Variants in PAG1 observed in about 807,000 individuals in gnomAD.
PAG1 encodes the protein phosphoprotein associated with glycosphingolipid-enriched microdomains 1.
PAG1 carries 23 observed loss-of-function variants against 31.7 expected under a neutral mutation model. The observed-to-expected ratio is 0.73, with a 90% CI of 0.52 to 1.03. The LOEUF (loss-of-function observed/expected upper bound fraction) is 1.03. PAG1 is among the 50% of genes least tolerant of loss of function. The probability of loss-of-function intolerance (pLI) is 0.00; values close to 1 mark genes in which losing one functional copy is unlikely to be tolerated. For synonymous variants in PAG1, 214 were observed against 210.3 expected (o/e 1.02, Z -0.15); for missense variants, 473 against 540.7 (o/e 0.87, Z 1.24).
chr8:81,096,212 C>T (rs1285055022), intron 1 of PAG1, among the ~76,000 whole-genome samples: 1 of 152,148 alleles, frequency 6.6e-6, no homozygotes, highest in Non-Finnish European at 1.5e-5. Flanking sequence ...CTGTAAGGCA[C>T]TCATGTTGTA....
intron 1 of PAG1, among the ~76,000 whole-genome samples, chr8:81,106,995 A>C (rs1809703404): frequency 6.6e-6 from 1 of 152,128 alleles, no homozygotes; most frequent in Non-Finnish European, 1.5e-5. Context: ...GATTTAAATA[A>C]ACTTATTTTT....
intron 2 of PAG1, among the ~76,000 whole-genome samples, chr8:81,041,347 A>C (rs1349127554): frequency 6.6e-6 from 1 of 152,222 alleles, no homozygotes; most frequent in Non-Finnish European, 1.5e-5. Context: ...ACCTACCAGA[A>C]TGAGCAGCCA....
At chr8:81,106,794 G>A (rs1586223941) in intron 1 of PAG1, among the ~76,000 whole-genome samples, 1 of 152,098 alleles carries the variant, frequency 6.6e-6, no homozygotes, top group South Asian at 2.1e-4. Context: ...ATTTTGACTG[G>A]AGTTAGAAAG....
chr8:80,970,094 CT>C lies in PAG1; in HGVS notation c.*6449del, dbSNP rs1233641158. 1 of 152,160 alleles carries C rather than the reference CT, an allele frequency of 6.6e-6. No individual in the cohort carries two copies. Among genetic ancestry groups the C allele is most frequent in the Non-Finnish European group, 1.5e-5 (1 of 68,108 alleles). 9.4% of individuals were successfully genotyped at this position (152,160 alleles called of 1,614,324 possible). On this transcript the variant is annotated 3_prime_UTR_variant, in exon 9 of 9. Transcript: ENST00000220597. ...GTGAAAACATTTTACACTCAATTTA[CT>C]TTAAAAAGGTTTTTTTTTTGTTTTT...
chr8:81,031,536 T>G (rs1430667088), intron 2 of PAG1, among the ~76,000 whole-genome samples: 2 of 152,248 alleles, frequency 1.3e-5, no homozygotes, highest in East Asian at 3.8e-4. Context: ...GGAATTCTCC[T>G]GAATTAGCCA....
intron 1 of PAG1, among the ~76,000 whole-genome samples, chr8:81,080,097 A>C (rs1292238147): frequency 1.3e-5 from 2 of 152,118 alleles, no homozygotes; most frequent in Non-Finnish European, 2.9e-5. Context: ...CACCTCATTG[A>C]ATCTCCGCAA....
At chr8:80,994,713 T>C (rs1807635407) in intron 3 of PAG1, among the ~76,000 whole-genome samples, 1 of 152,196 alleles carries the variant, frequency 6.6e-6, no homozygotes, top group African/African-American at 2.4e-5. Flanking sequence ...AATGGTCAGA[T>C]TCCTTGTGTG....
At chr8:81,067,366 G>A (rs1809025400) in intron 2 of PAG1, 1 of 152,090 alleles carries the variant, frequency 6.6e-6, no homozygotes, top group African/African-American at 2.4e-5. Flanking sequence ...TAAACACAAG[G>A]AAGGATAGCA....
At chr8:81,008,589 A>G (rs1807927815) in intron 3 of PAG1, among the ~76,000 whole-genome samples, 1 of 149,010 alleles carries the variant, frequency 6.7e-6, no homozygotes, top group East Asian at 1.9e-4. Context: ...AGTAGTATAT[A>G]TAATACTACT....
chr8:80,993,059 G>A (rs895270), intron 4 of PAG1, 44 bp downstream of exon 4: 320,184 of 1,529,800 alleles, frequency 0.21, 36,271 homozygotes, highest in East Asian at 0.49. Flanking sequence ...GGGTACAGGG[G>A]ATGTATTAGT....
chr8:81,059,443 T>C (rs1808882167), intron 2 of PAG1, among the ~76,000 whole-genome samples: 2 of 152,120 alleles, frequency 1.3e-5, no homozygotes, highest in South Asian at 2.1e-4. Context: ...CTACCAGAAA[T>C]TGAAAGACCA....
intron 1 of PAG1, among the ~76,000 whole-genome samples, chr8:81,072,815 G>GTGCA (rs1563420101): frequency 6.6e-6 from 1 of 152,152 alleles, no homozygotes; most frequent in Non-Finnish European, 1.5e-5. Flanking sequence ...GAGGGAGTGG[G>GTGCA]TGCATGTAAA....
At chr8:81,027,766 G>A (rs1022598829) in intron 3 of PAG1, among the ~76,000 whole-genome samples, 4 of 151,988 alleles carry the variant, frequency 2.6e-5, no homozygotes, top group East Asian at 1.9e-4. Flanking sequence ...TTAGCTGGGC[G>A]TGGTGGCGGA....
chr8:81,104,978 C>T (rs1166686772), intron 1 of PAG1, among the ~76,000 whole-genome samples: 1 of 152,140 alleles, frequency 6.6e-6, no homozygotes, highest in Non-Finnish European at 1.5e-5. Context: ...GCACCAGCCA[C>T]ATGGAATGAC....
At chr8:81,041,518 T>A (rs1186314677) in intron 2 of PAG1, among the ~76,000 whole-genome samples, 2 of 152,134 alleles carry the variant, frequency 1.3e-5, no homozygotes, top group African/African-American at 4.8e-5. Flanking sequence ...CCACTTTATA[T>A]CCCTATTCCC....
At chr8:81,082,280 A>G (rs1021713462) in intron 1 of PAG1, among the ~76,000 whole-genome samples, 1 of 150,748 alleles carries the variant, frequency 6.6e-6, no homozygotes, top group Non-Finnish European at 1.5e-5. Flanking sequence ...AAAAGAAAAG[A>G]AAAAAAAATC....
intron 1 of PAG1, among the ~76,000 whole-genome samples, chr8:81,073,910 G>C (rs944035166): frequency 7.2e-5 from 11 of 152,232 alleles, no homozygotes; most frequent in South Asian, 2.1e-4. Context: ...CTGAAGGTGG[G>C]GGGGAGGCAG....
chr8:81,058,291 C>T (rs1022044743), intron 2 of PAG1, among the ~76,000 whole-genome samples: 1 of 152,112 alleles, frequency 6.6e-6, no homozygotes, highest in African/African-American at 2.4e-5. Flanking sequence ...CTGCAGGTTT[C>T]AATGTGTGTA....
At chr8:81,030,636 G>A (rs1260418597) in intron 2 of PAG1, among the ~76,000 whole-genome samples, 1 of 152,210 alleles carries the variant, frequency 6.6e-6, no homozygotes, top group East Asian at 1.9e-4. Flanking sequence ...CACGCATTCT[G>A]CTGTGGAAAT....
Sources: gnomAD v4.1 joint callset for allele counts (sites outside exome capture counted in the v4.1 genomes callset) on GRCh38, gnomAD v4.1.1 for gene constraint, MANE v1.5 for transcripts, NCBI Gene and HGNC (gene_info 2026-07-23, HGNC 2026-07-21) for gene names.